The following ZNF431 variants were observed in gnomAD, a reference collection of about 807,000 sequenced individuals.
ZNF431 encodes zinc finger protein 431.
A neutral mutation model predicts 57.0 loss-of-function variants in ZNF431; 34 were observed. That is an observed-to-expected ratio of 0.60 (90% CI 0.45 to 0.79). The LOEUF is 0.79. ZNF431 is among the 30% of genes least tolerant of loss of function. The pLI is 0.00. For missense variants in ZNF431, 607 were observed against 667.1 expected (o/e 0.91, Z 0.99); for synonymous variants, 207 against 220.3 (o/e 0.94, Z 0.54).
intron 1 of ZNF431, 28 bp from the exon 2 acceptor site, chr19:21,143,523 T>G (rs1430613084): frequency 6.3e-7 from 1 of 1,574,958 alleles, no homozygotes; most frequent in Admixed American, 1.7e-5. Context: ...CTAGTGAATA[T>G]CAGCTTCTGG....
chr19:21,175,553 G>C, intron 4 of ZNF431: 1 of 592,616 alleles, frequency 1.7e-6, no homozygotes, highest in Non-Finnish European at 3.0e-6. Flanking sequence ...AGCCCTGCAT[G>C]CATTAGCTAT....
intron 4 of ZNF431, among the ~76,000 whole-genome samples, chr19:21,171,881 C>T (rs10411001): frequency 0.084 from 12,628 of 150,664 alleles, 1,769 homozygotes; most frequent in African/African-American, 0.29. Flanking sequence ...CCACCATGCC[C>T]GGCTAATTTT....
intron 2 of ZNF431, chr19:21,149,855 T>A: frequency 1.5e-6 from 1 of 651,808 alleles, no homozygotes; most frequent in South Asian, 1.4e-5. Flanking sequence ...GGTGCAGGTC[T>A]TCCTGTGGAC....
intron 4 of ZNF431, among the ~76,000 whole-genome samples, chr19:21,180,948 A>G (rs1971193621): frequency 1.3e-5 from 2 of 151,866 alleles, no homozygotes; most frequent in South Asian, 2.1e-4. Context: ...TCAAAAGAAA[A>G]AAAAAAAAAA....
At chr19:21,154,172 C>G (rs949553397) in intron 2 of ZNF431, among the ~76,000 whole-genome samples, 21 of 152,144 alleles carry the variant, frequency 1.4e-4, no homozygotes, top group Admixed American at 3.9e-4. Flanking sequence ...ATCCCTCCCC[C>G]CTCCACCCCA....
At chr19:21,161,899 C>A (rs1234518160) in intron 2 of ZNF431, among the ~76,000 whole-genome samples, 1 of 152,106 alleles carries the variant, frequency 6.6e-6, no homozygotes, top group Non-Finnish European at 1.5e-5. Flanking sequence ...GGTGATTTTC[C>A]CACCTAGGCC....
chr19:21,164,673 C>G (rs1379821238), intron 2 of ZNF431, among the ~76,000 whole-genome samples: 1 of 151,986 alleles, frequency 6.6e-6, no homozygotes, highest in Admixed American at 6.6e-5. Context: ...AAACATGTCT[C>G]AGATCAAGAG....
intron 2 of ZNF431, among the ~76,000 whole-genome samples, chr19:21,149,346 T>C (rs1244677941): frequency 6.6e-6 from 1 of 152,228 alleles, no homozygotes; most frequent in Non-Finnish European, 1.5e-5. Flanking sequence ...GTTTATATTT[T>C]GAAGACTTTT....
At chr19:21,149,810 T>C in intron 2 of ZNF431, 1 of 650,978 alleles carries the variant, frequency 1.5e-6, no homozygotes, top group Non-Finnish European at 2.9e-6. Flanking sequence ...CAAAGCACCT[T>C]TGTCTTCTGA....
rs1971315659 is a variant in ZNF431 at position 21,184,584 on chromosome 19, A to C, written c.*550A>C. The C allele has an allele frequency of 6.5e-6, 1 of 153,504 alleles. No homozygotes were observed. The highest frequency in any genetic ancestry group is 1.5e-5 in the Non-Finnish European group (1 of 68,254). 9.5% of individuals were successfully genotyped at this position (153,504 alleles called of 1,614,324 possible). A position where few individuals can be genotyped will look rare whatever the true frequency, so the allele number is the denominator to read the frequency against. On this transcript the variant is annotated 3_prime_UTR_variant, in exon 5 of 5. Coordinates refer to ENST00000311048, the MANE Select transcript of ZNF431 (RefSeq NM_133473.4). ...GAGATAAAGCCTTTAAATGGTTGTC[A>C]CACTTCATTGTAGGTAAGATAATTC...
intron 4 of ZNF431, among the ~76,000 whole-genome samples, chr19:21,177,988 A>G (rs145959891): frequency 6.6e-6 from 1 of 151,450 alleles, no homozygotes; most frequent in African/African-American, 2.4e-5. Flanking sequence ...GTCCTCTCTG[A>G]TTTTCTTGGG....
intron 4 of ZNF431, among the ~76,000 whole-genome samples, chr19:21,168,617 C>T (rs566258176): frequency 7.0e-4 from 107 of 152,230 alleles, no homozygotes; most frequent in Non-Finnish European, 1.3e-3. Context: ...CTGCCCACCT[C>T]GGCCTCCCAA....
intron 2 of ZNF431, among the ~76,000 whole-genome samples, chr19:21,159,976 C>T (rs553153344): frequency 7.1e-5 from 8 of 113,390 alleles, no homozygotes; most frequent in Admixed American, 5.3e-4. Context: ...TTCATGTTGC[C>T]TCAGCCTTTT....
intron 2 of ZNF431, among the ~76,000 whole-genome samples, chr19:21,165,125 C>G (rs1480165827): frequency 1.3e-5 from 2 of 151,352 alleles, no homozygotes. Flanking sequence ...TCCTATGCAC[C>G]AGACCCTTCT....
intron 2 of ZNF431, among the ~76,000 whole-genome samples, chr19:21,159,955 C>G (rs917641739): frequency 6.9e-6 from 1 of 145,158 alleles, no homozygotes; most frequent in Non-Finnish European, 1.5e-5. Flanking sequence ...CAAATGAACT[C>G]TCTACTTATA....
rs2145063221 is a variant in ZNF431 at position 21,186,038 on chromosome 19, T to G, written c.*2004T>G. The G allele has an allele frequency of 6.6e-6, 1 of 152,274 alleles. No homozygotes were observed. Among genetic ancestry groups the G allele is most frequent in the East Asian group, 1.9e-4 (1 of 5,166 alleles). The allele number at this position is 152,274 out of a possible 1,614,324, so 9.4% of individuals were successfully genotyped here. The stretch of plus-strand genomic sequence containing the variant: ...GGCTCACGTCTGTAATCCCAGCACT[T>G]TGACAGGCTGAGCGAGGGAGTGGAT... On this transcript the variant is annotated 3_prime_UTR_variant, in exon 5 of 5. Coordinates refer to ENST00000311048, the MANE Select transcript of ZNF431 (RefSeq NM_133473.4).
intron 2 of ZNF431, among the ~76,000 whole-genome samples, chr19:21,165,844 G>A (rs1161576040): frequency 1.3e-5 from 2 of 151,944 alleles, no homozygotes; most frequent in Admixed American, 6.6e-5. Flanking sequence ...GTCTTCCTGG[G>A]ATAAAAACAT....
chr19:21,143,519 A>T, intron 1 of ZNF431, 32 bp from the exon 2 acceptor site: 2 of 1,549,992 alleles, frequency 1.3e-6, no homozygotes, highest in Non-Finnish European at 1.8e-6. Context: ...GTGCCTAGTG[A>T]ATATCAGCTT....
intron 4 of ZNF431, among the ~76,000 whole-genome samples, chr19:21,174,589 T>C (rs1257321603): frequency 6.6e-6 from 1 of 152,168 alleles, no homozygotes; most frequent in Non-Finnish European, 1.5e-5. Flanking sequence ...CCTCACCCAA[T>C]TGTGGTTACT....
Sources: gnomAD v4.1 joint callset for allele counts (sites outside exome capture counted in the v4.1 genomes callset) on GRCh38, gnomAD v4.1.1 for gene constraint, MANE v1.5 for transcripts, NCBI Gene and HGNC (gene_info 2026-07-23, HGNC 2026-07-21) for gene names.